The following WDR76 variants were observed in gnomAD, a reference collection of about 807,000 sequenced individuals.
WDR76 encodes WD repeat-containing protein 76.
A neutral mutation model predicts 70.2 loss-of-function variants in WDR76; 52 were observed. The observed-to-expected ratio is 0.74, with a 90% CI of 0.59 to 0.93. The LOEUF (loss-of-function observed/expected upper bound fraction) is 0.93, where lower values mean the gene tolerates loss of function less well. Ranked by LOEUF, WDR76 falls within the 40% of genes least tolerant of loss-of-function variation. WDR76 has a pLI of 0.00. For synonymous variants in WDR76, 292 were observed against 271.1 expected, an observed-to-expected ratio of 1.08 and a Z score of -0.76; for missense variants, 756 against 760.2, an observed-to-expected ratio of 0.99 and a Z score of 0.07.
At position 43,867,416 on chromosome 15, in the gene WDR76, A is replaced by G. The variant is rs191785316; in HGVS notation, c.*1024A>G. 4 of 152,292 alleles carry G rather than the reference A, an allele frequency of 2.6e-5. No individual in the cohort carries two copies. Among genetic ancestry groups the G allele is most frequent in the East Asian group, 3.9e-4 (2 of 5,188 alleles). The allele number at this position is 152,292 out of a possible 1,614,324, so 9.4% of individuals were successfully genotyped here. A position where few individuals can be genotyped will look rare whatever the true frequency, so the allele number is the denominator to read the frequency against. On this transcript the variant is annotated 3_prime_UTR_variant, in exon 13 of 13. Coordinates refer to ENST00000263795, the MANE Select transcript of WDR76 (RefSeq NM_024908.4). Reference sequence around the variant, plus strand: ...TCACATGAAATCAAGTTAGATGACAATGACTGGTGTTGAAAAAAATGAAAA... The same window carrying G: ...TCACATGAAATCAAGTTAGATGACAGTGACTGGTGTTGAAAAAAATGAAAA...
chr15:43,851,986 C>T (rs2087865349), intron 9 of WDR76, among the ~76,000 whole-genome samples: 1 of 152,082 alleles, frequency 6.6e-6, no homozygotes, highest in Non-Finnish European at 1.5e-5. Context: ...TGCTTGAGCC[C>T]AGGAGATTGA....
chr15:43,835,431 G>A (rs533907767), intron 3 of WDR76, among the ~76,000 whole-genome samples: 2 of 151,882 alleles, frequency 1.3e-5, no homozygotes, highest in African/African-American at 2.4e-5. Flanking sequence ...CAAGGCTGCC[G>A]TGAGCTATGA....
chr15:43,827,574 TCA>T (rs1174897319), intron 1 of WDR76, among the ~76,000 whole-genome samples: 2 of 152,180 alleles, frequency 1.3e-5, no homozygotes, highest in Non-Finnish European at 1.5e-5. Flanking sequence ...AGCTTAAGTC[TCA>T]CTCTGTTGCC....
rs763547579 is a variant in WDR76 at position 43,828,035 on chromosome 15, T to TA, written c.136dup (p.Thr46AsnfsTer3). On this transcript the variant is annotated frameshift_variant, in exon 2 of 13. Coordinates refer to ENST00000263795, the MANE Select transcript of WDR76 (RefSeq NM_024908.4). LOFTEE classifies it high-confidence loss of function. ...AGACCAGCACAGACTACAGTTTTAA[T>TA]AAAAACAGCTAAGGTCTATCTTGCC... 51 of 1,614,004 alleles carry TA rather than the reference T, an allele frequency of 3.2e-5. No individual in the cohort carries two copies. The highest frequency in any genetic ancestry group is 4.2e-5 in the Non-Finnish European group (50 of 1,180,042).
intron 11 of WDR76, among the ~76,000 whole-genome samples, chr15:43,859,311 TA>T (rs1467951317): frequency 2.0e-5 from 3 of 152,188 alleles, no homozygotes; most frequent in Non-Finnish European, 2.9e-5. Flanking sequence ...AGCTACTTCC[TA>T]AAAATGGATT....
At chr15:43,864,417 C>G (rs1056811129) in intron 12 of WDR76, among the ~76,000 whole-genome samples, 1 of 152,044 alleles carries the variant, frequency 6.6e-6, no homozygotes, top group Non-Finnish European at 1.5e-5. Context: ...CCAATACTTG[C>G]TATCTTTTGC....
Position 43,837,794 on chromosome 15 carries a change from C to T in WDR76, c.608+1578C>T, listed in dbSNP as rs77880294. 2.0e-5 allele frequency among the ~76,000 whole-genome samples: 3 copies of T among 152,164 alleles called. No individual in the cohort carries two copies. The East Asian group carries it at 5.8e-4, about 29-fold the overall frequency. On this transcript the variant is annotated intron_variant, in intron 4 of 12. Coordinates refer to ENST00000263795, the MANE Select transcript of WDR76 (RefSeq NM_024908.4). ...AGGTTAATAGAAATTACGAATACCC[C>T]TGAAGGCCCATATATACCCCTCCCT...
chr15:43,842,332 A>G (rs1043057157), intron 5 of WDR76, 83 bp from the exon 6 acceptor site: 57 of 1,235,992 alleles, frequency 4.6e-5, no homozygotes, highest in Non-Finnish European at 6.3e-5. Context: ...GTTGTGGGGA[A>G]AACAGACAAA....
chr15:43,849,882 T>G (rs1406038101), intron 8 of WDR76, among the ~76,000 whole-genome samples: 2 of 152,184 alleles, frequency 1.3e-5, no homozygotes, highest in African/African-American at 4.8e-5. Flanking sequence ...CTGCATTGTT[T>G]GAGTTCTTTA....
intron 7 of WDR76, among the ~76,000 whole-genome samples, chr15:43,843,295 A>G (rs1005603178): frequency 2.0e-5 from 3 of 152,086 alleles, no homozygotes; most frequent in African/African-American, 4.8e-5. Flanking sequence ...TGCTGGGATT[A>G]CAGGTGTGAG....
chr15:43,840,343 A>G (rs948212700), intron 5 of WDR76, among the ~76,000 whole-genome samples: 3 of 149,042 alleles, frequency 2.0e-5, no homozygotes, highest in Non-Finnish European at 3.0e-5. Context: ...ATGTCAGTTT[A>G]AAAAAAAAAC....
At position 43,866,624 on chromosome 15, in the gene WDR76, T is replaced by TC; in HGVS notation, c.*232_*233insC. ...GGGAGGCTGAGGTGCCGTCAGGACT[T>TC]TTTTTTTTTTTTTTTTTTTGAGATG... On this transcript the variant is annotated 3_prime_UTR_variant, in exon 13 of 13. Coordinates refer to ENST00000263795, the MANE Select transcript of WDR76 (RefSeq NM_024908.4). 1.1e-4 allele frequency: 1 copy of TC among 8,960 alleles called. No individual in the cohort carries two copies. The highest frequency in any genetic ancestry group is 1.8e-4 in the Non-Finnish European group (1 of 5,638). The allele number at this position is 8,960 out of a possible 1,614,324, so 0.6% of individuals were successfully genotyped here.
At chr15:43,840,160 AT>A (rs1346798750) in intron 5 of WDR76, among the ~76,000 whole-genome samples, 21 of 152,054 alleles carry the variant, frequency 1.4e-4, no homozygotes, top group Non-Finnish European at 4.4e-5. Flanking sequence ...TGCCCGGCCC[AT>A]TTGTACGCTT....
In WDR76 at chr15:43,868,302, T is replaced by C. The variant is rs1290069641; in HGVS notation, c.*1910T>C. The C allele has an allele frequency of 6.6e-6, 1 of 152,326 alleles. No individual in the cohort carries two copies. The highest frequency in any genetic ancestry group is 3.4e-3 in the Middle Eastern group (1 of 294). 9.4% of individuals were successfully genotyped at this position (152,326 alleles called of 1,614,324 possible). A position where few individuals can be genotyped will look rare whatever the true frequency, so the allele number is the denominator to read the frequency against. On this transcript the variant is annotated 3_prime_UTR_variant, in exon 13 of 13. Coordinates refer to ENST00000263795, the MANE Select transcript of WDR76 (RefSeq NM_024908.4). ...AGTTCTACGGGAATTGTTTTTGTTT[T>C]TGTTTTTAAAGATGCTGAAAACTAC...
intron 11 of WDR76, among the ~76,000 whole-genome samples, chr15:43,860,668 AT>A (rs200303928): frequency 2.0e-5 from 3 of 150,104 alleles, no homozygotes; most frequent in African/African-American, 4.9e-5. Context: ...ATACCTAGCT[AT>A]TTTTTTTTAA....
At chr15:43,835,694 T>C (rs1455459618) in intron 3 of WDR76, among the ~76,000 whole-genome samples, 1 of 151,602 alleles carries the variant, frequency 6.6e-6, no homozygotes, top group Non-Finnish European at 1.5e-5. Flanking sequence ...GTTTTGCTCT[T>C]GTTGCCCAGG....
chr15:43,851,344 A>G, intron 9 of WDR76, 99 bp downstream of exon 9: 1 of 1,499,920 alleles, frequency 6.7e-7, no homozygotes, highest in Non-Finnish European at 9.1e-7. Flanking sequence ...GAAGTGGTAT[A>G]GCAGAAGGAC....
intron 8 of WDR76, among the ~76,000 whole-genome samples, chr15:43,848,247 GA>G (rs1403836248): frequency 1.3e-5 from 2 of 151,608 alleles, no homozygotes; most frequent in African/African-American, 4.8e-5. Flanking sequence ...CTCAAAAAAA[GA>G]AAAAAAATTC....
At chr15:43,854,416 A>C (rs1023259069) in intron 9 of WDR76, among the ~76,000 whole-genome samples, 2 of 151,858 alleles carry the variant, frequency 1.3e-5, no homozygotes, top group African/African-American at 4.8e-5. Context: ...AAAGAATACA[A>C]AAATTAGCTG....
Sources: allele counts gnomAD v4.1 joint callset (sites outside exome capture counted in the v4.1 genomes callset), GRCh38; gene constraint gnomAD v4.1.1; transcripts MANE v1.5; gene names NCBI Gene and HGNC (gene_info 2026-07-23, HGNC 2026-07-21).